Variants in MCMDC2 observed in about 807,000 individuals in gnomAD.
MCMDC2 encodes the protein minichromosome maintenance domain-containing protein 2.
MCMDC2 carries 54 observed loss-of-function variants against 75.8 expected under a neutral mutation model. The ratio of observed to expected loss-of-function variants is 0.71; its 90% CI spans 0.57 to 0.89. The LOEUF (loss-of-function observed/expected upper bound fraction) is 0.89, where lower values mean the gene tolerates loss of function less well. MCMDC2 is among the 40% of genes least tolerant of loss of function. The probability of loss-of-function intolerance (pLI) is 0.00; values close to 1 mark genes in which losing one functional copy is unlikely to be tolerated. For missense variants in MCMDC2, 656 were observed against 780.4 expected (o/e 0.84, Z 1.90); for synonymous variants, 249 against 274.6 (o/e 0.91, Z 0.92).
chr8:66,918,220 C>A (rs1813392498), intron 14 of MCMDC2, among the ~76,000 whole-genome samples: 1 of 151,990 alleles, frequency 6.6e-6, no homozygotes, highest in Non-Finnish European at 1.5e-5. Context: ...GATATTAGTT[C>A]TCCGCCTATT....
chr8:66,901,382 T>C (rs749280126), intron 13 of MCMDC2, 34 bp downstream of exon 13: 3 of 1,583,904 alleles, frequency 1.9e-6, no homozygotes, highest in Non-Finnish European at 2.6e-6. Flanking sequence ...AAAATCAGCA[T>C]TGAGTTTCAA....
In MCMDC2 at chr8:66,907,423, A is replaced by T. The variant is rs933362111; in HGVS notation, c.1879+2088A>T. Among the ~76,000 whole-genome samples, 3 of 152,314 alleles carry T rather than the reference A, an allele frequency of 2.0e-5. No homozygotes were observed. In the East Asian group the frequency reaches 5.8e-4, roughly 29 times the overall value. Reference sequence around the variant, plus strand: ...ACATGCACTCATTTTTTATGGCTGCATAGTATTCCATGGTGTATATGTGCC... The same window carrying T: ...ACATGCACTCATTTTTTATGGCTGCTTAGTATTCCATGGTGTATATGTGCC... On this transcript the variant is annotated intron_variant, in intron 14 of 14. Coordinates refer to ENST00000422365, the MANE Select transcript of MCMDC2 (RefSeq NM_173518.5).
At chr8:66,892,160 A>G (rs1160599809) in intron 10 of MCMDC2, among the ~76,000 whole-genome samples, 1 of 152,176 alleles carries the variant, frequency 6.6e-6, no homozygotes, top group African/African-American at 2.4e-5. Context: ...CAGCCACCCA[A>G]GGCTGGCAGA....
At chr8:66,894,830 A>T (rs553494394) in intron 10 of MCMDC2, among the ~76,000 whole-genome samples, 1 of 152,342 alleles carries the variant, frequency 6.6e-6, no homozygotes, top group African/African-American at 2.4e-5. Context: ...TTGTGCTACT[A>T]TTACCACTAA....
intron 9 of MCMDC2, chr8:66,884,646 G>A (rs1297532275): frequency 1.3e-5 from 2 of 151,928 alleles, no homozygotes; most frequent in Admixed American, 6.6e-5. Flanking sequence ...ATTATGTTTT[G>A]CTAAAATTAA....
In MCMDC2 at chr8:66,880,976, T is replaced by C; in HGVS notation, c.835+2T>C. 5 of 1,496,694 alleles carry C rather than the reference T, an allele frequency of 3.3e-6. No individual in the cohort carries two copies. Among genetic ancestry groups the C allele is most frequent in the Non-Finnish European group, 2.7e-6 (3 of 1,127,048 alleles). 92.7% of individuals were successfully genotyped at this position (1,496,694 alleles called of 1,614,324 possible). On this transcript the variant is annotated splice_donor_variant, in intron 8 of 14. Transcript: ENST00000422365. LOFTEE classifies it high-confidence loss of function. Reference sequence around the variant, plus strand: ...GCATAACTTTTTGTAATTCAAAAGGTAAGGAAAATTTTAGTATTATATATT... The same window carrying C: ...GCATAACTTTTTGTAATTCAAAAGGCAAGGAAAATTTTAGTATTATATATT...
At position 66,891,030 on chromosome 8, in the gene MCMDC2, G is replaced by A; in HGVS notation, c.1239G>A (p.Leu413=). 2 of 1,590,538 alleles carry A rather than the reference G, an allele frequency of 1.3e-6. No individual in the cohort carries two copies. Among genetic ancestry groups the A allele is most frequent in the Non-Finnish European group, 1.7e-6 (2 of 1,174,700 alleles). The part of the protein sequence containing the change: ...AKGGICFIGD[L]ASHKKDKLEQ... ...GTGGTATCTGCTTTATAGGAGACTT[G>A]GCTTCACACAAAAAAGATAAACTTG... Residue 413 remains leucine, a synonymous_variant, in exon 10 of 15, where the codon TTG becomes TTA. Coordinates refer to ENST00000422365, the MANE Select transcript of MCMDC2 (RefSeq NM_173518.5).
intron 9 of MCMDC2, 185 bp downstream of exon 9, chr8:66,884,179 T>C: frequency 6.9e-6 from 4 of 579,968 alleles, no homozygotes; most frequent in Non-Finnish European, 1.2e-5. Context: ...TAAGTTGAAT[T>C]ACTCCAATTT....
chr8:66,899,581 C>T (rs373349952), intron 12 of MCMDC2, among the ~76,000 whole-genome samples: 16 of 152,034 alleles, frequency 1.1e-4, no homozygotes, highest in Admixed American at 5.2e-4. Flanking sequence ...TTGCAACCTC[C>T]GCCTGCTGGG....
chr8:66,887,582 A>G (rs1811905263), intron 9 of MCMDC2, among the ~76,000 whole-genome samples: 2 of 152,030 alleles, frequency 1.3e-5, no homozygotes, highest in Non-Finnish European at 2.9e-5. Flanking sequence ...ATCTTTGTCT[A>G]TCCCAAGGTC....
chr8:66,896,258 C>A lies in MCMDC2; in HGVS notation c.1368C>A (p.Cys456Ter). ...IDQQMTFPVQ[C>*]SFWSFVDVDS... ...AACAGATGACTTTTCCAGTTCAGTG[C>A]AGTTTTTGGTCTTTTGTTGATGTGG... The change falls in exon 11 of 15, where the codon TGC becomes TGA. Residue 456 changes from cysteine (C) to a stop codon, truncating the protein, a stop_gained. Transcript: ENST00000422365. LOFTEE classifies it high-confidence loss of function. 1.2e-6 allele frequency: 2 copies of A among 1,611,608 alleles called. No individual in the cohort carries two copies. The highest frequency in any genetic ancestry group is 1.7e-6 in the Non-Finnish European group (2 of 1,179,590).
rs542787965 is a variant in MCMDC2, at chr8:66,919,632, T to A, written c.*463T>A. On this transcript the variant is annotated 3_prime_UTR_variant, in exon 15 of 15. Transcript: ENST00000422365. ...ACTTGCTAAACTGATGAGTAAATACTTTATATAACCCGAAGCTTCAAATGT... is the reference window on the plus strand; with the variant it reads ...ACTTGCTAAACTGATGAGTAAATACATTATATAACCCGAAGCTTCAAATGT... 4 of 152,538 alleles carry A rather than the reference T, an allele frequency of 2.6e-5. No individual in the cohort carries two copies. Among genetic ancestry groups the A allele is most frequent in the African/African-American group, 9.6e-5 (4 of 41,592 alleles). 9.4% of individuals were successfully genotyped at this position (152,538 alleles called of 1,614,324 possible). A position where few individuals can be genotyped will look rare whatever the true frequency, so the allele number is the denominator to read the frequency against.
At chr8:66,892,643 A>G (rs1181813001) in intron 10 of MCMDC2, among the ~76,000 whole-genome samples, 1 of 152,122 alleles carries the variant, frequency 6.6e-6, no homozygotes, top group Non-Finnish European at 1.5e-5. Context: ...GGGCCCAGAA[A>G]AAGCACCATC....
chr8:66,882,802 TAAAG>T (rs1367703082), intron 8 of MCMDC2, among the ~76,000 whole-genome samples: 4 of 152,208 alleles, frequency 2.6e-5, no homozygotes, highest in African/African-American at 4.8e-5. Context: ...ACAAAAATGT[TAAAG>T]AAAGAAAGCA....
At chr8:66,922,678 C>G, downstream of MCMDC2, 2 of 347,436 alleles carry the variant, frequency 5.8e-6, no homozygotes, top group South Asian at 4.4e-5. Context: ...TGGAAAACAT[C>G]TGTTATGATG....
downstream of MCMDC2, chr8:66,922,505 A>G (rs1463046332): frequency 9.6e-6 from 5 of 518,936 alleles, no homozygotes; most frequent in East Asian, 2.2e-4. Context: ...TTCAAAGACA[A>G]CCTCAGCTGG....
intron 13 of MCMDC2, among the ~76,000 whole-genome samples, chr8:66,904,996 A>T (rs1812847970): frequency 6.6e-6 from 1 of 152,158 alleles, no homozygotes; most frequent in Non-Finnish European, 1.5e-5. Context: ...GTGTGGAATG[A>T]TAAATAAAAG....
chr8:66,916,791 G>GT (rs1442567490), intron 14 of MCMDC2, among the ~76,000 whole-genome samples: 1 of 152,182 alleles, frequency 6.6e-6, no homozygotes, highest in Middle Eastern at 3.2e-3. Context: ...TGGTTTTGAA[G>GT]TAAGTGGGAA....
In MCMDC2 at chr8:66,921,134, A is replaced by G. The variant is rs1353254872; in HGVS notation, c.*1965A>G. On this transcript the variant is annotated 3_prime_UTR_variant, in exon 15 of 15. Coordinates refer to ENST00000422365, the MANE Select transcript of MCMDC2 (RefSeq NM_173518.5). Reference sequence around the variant, plus strand: ...ATGGTTACTTCACCACAAAAAAATTAAAATGTTTAAGTTTCTCATTAAAGA... The same window carrying G: ...ATGGTTACTTCACCACAAAAAAATTGAAATGTTTAAGTTTCTCATTAAAGA... The G allele has an allele frequency of 1.3e-5, 2 of 152,198 alleles. No homozygotes were observed. The highest frequency in any genetic ancestry group is 2.9e-5 in the Non-Finnish European group (2 of 68,038). 9.4% of individuals were successfully genotyped at this position (152,198 alleles called of 1,614,324 possible). A position where few individuals can be genotyped will look rare whatever the true frequency, so the allele number is the denominator to read the frequency against.
Sources: allele counts gnomAD v4.1 joint callset (sites outside exome capture counted in the v4.1 genomes callset), GRCh38; gene constraint gnomAD v4.1.1; transcripts MANE v1.5; gene names NCBI Gene and HGNC (gene_info 2026-07-23, HGNC 2026-07-21).